MMP26: variants seen among roughly 807,000 people sequenced by gnomAD.
The protein encoded by MMP26 is matrix metalloproteinase-26.
A neutral mutation model predicts 31.0 loss-of-function variants in MMP26; 33 were observed. The ratio of observed to expected loss-of-function variants is 1.06; its 90% confidence interval spans 0.81 to 1.42. The LOEUF (loss-of-function observed/expected upper bound fraction) is 1.42, where lower values mean the gene tolerates loss of function less well. Ranked by LOEUF, MMP26 falls within the 40% of genes most tolerant of loss-of-function variation. MMP26 has a pLI of 0.00. For synonymous variants in MMP26, 122 were observed against 114.9 expected (o/e 1.06, Z -0.40); for missense variants, 347 against 316.1 (o/e 1.10, Z -0.74).
chr11:4,739,153 T>C (rs11033636), intron 1 of MMP26, among the ~76,000 whole-genome samples: 26,451 of 152,184 alleles, frequency 0.17, 2,769 homozygotes, highest in African/African-American at 0.3. Flanking sequence ...AGGCCTGATA[T>C]AAGACACTTC....
chr11:4,829,768 GA>G, intron 2 of MMP26, among the ~76,000 whole-genome samples: 1 of 152,210 alleles, frequency 6.6e-6, no homozygotes, highest in Admixed American at 6.5e-5. Context: ...TGACCAAACA[GA>G]ACACATTTGT....
intron 2 of MMP26, among the ~76,000 whole-genome samples, chr11:4,940,463 A>C (rs984793540): frequency 3.3e-5 from 5 of 152,214 alleles, no homozygotes; most frequent in Non-Finnish European, 7.3e-5. Context: ...TTTGTCAGAC[A>C]TTTTGAAAAA....
chr11:4,790,524 A>G (rs931820276), intron 2 of MMP26, among the ~76,000 whole-genome samples: 3 of 152,160 alleles, frequency 2.0e-5, no homozygotes, highest in African/African-American at 7.2e-5. Flanking sequence ...TTTCTTCCAG[A>G]AGAAGGTATG....
At chr11:4,744,598 G>A (rs1024975141) in intron 1 of MMP26, among the ~76,000 whole-genome samples, 5 of 152,150 alleles carry the variant, frequency 3.3e-5, no homozygotes, top group Admixed American at 1.3e-4. Flanking sequence ...TCAGCCCTAT[G>A]AGGATCATTT....
intron 2 of MMP26, among the ~76,000 whole-genome samples, chr11:4,971,321 C>T (rs1846663088): frequency 6.6e-6 from 1 of 152,196 alleles, no homozygotes; most frequent in South Asian, 2.1e-4. Context: ...TCTGTCCTTA[C>T]TATCATTCAA....
intron 2 of MMP26, among the ~76,000 whole-genome samples, chr11:4,779,419 C>G (rs1848830129): frequency 6.6e-6 from 1 of 151,972 alleles, no homozygotes; most frequent in Non-Finnish European, 1.5e-5. Flanking sequence ...AGTTTTGCCT[C>G]TAAGTTAATG....
At chr11:4,875,067 T>A (rs1850361320) in intron 2 of MMP26, 1 of 152,152 alleles carries the variant, frequency 6.6e-6, no homozygotes, top group Admixed American at 6.6e-5. Context: ...ATTGAATCTG[T>A]CTTTTGGGAG....
At chr11:4,734,983 G>A (rs1426833045) in intron 1 of MMP26, among the ~76,000 whole-genome samples, 1 of 152,190 alleles carries the variant, frequency 6.6e-6, no homozygotes, top group African/African-American at 2.4e-5. Context: ...GGGAGTCACT[G>A]ACCTCTTGGC....
intron 2 of MMP26, among the ~76,000 whole-genome samples, chr11:4,870,031 T>C (rs982300187): frequency 3.3e-5 from 5 of 151,886 alleles, no homozygotes; most frequent in African/African-American, 9.7e-5. Flanking sequence ...ATGAGAACAC[T>C]TGGACACAGG....
intron 2 of MMP26, among the ~76,000 whole-genome samples, chr11:4,909,744 T>C (rs1850960943): frequency 6.6e-6 from 1 of 152,144 alleles, no homozygotes; most frequent in Admixed American, 6.6e-5. Flanking sequence ...GAAAGATCTT[T>C]CTAAAATGTA....
intron 3 of MMP26, among the ~76,000 whole-genome samples, chr11:4,988,543 T>G (rs1846940871): frequency 6.6e-6 from 1 of 152,164 alleles, no homozygotes; most frequent in African/African-American, 2.4e-5. Flanking sequence ...GTGCCTTCTG[T>G]GCCTAATTCA....
At chr11:4,849,113 G>T (rs143178206) in intron 2 of MMP26, 1 of 1,614,144 alleles carries the variant, frequency 6.2e-7, no homozygotes, top group South Asian at 1.1e-5. Flanking sequence ...TCCACCAGGA[G>T]GGTGCACCTG....
rs1239269326 is a variant in MMP26 at position 4,748,046 on chromosome 11, C to G, written c.-216-19224C>G. On this transcript the variant is annotated intron_variant, in intron 1 of 7. Coordinates refer to ENST00000380390, the MANE Select transcript of MMP26 (RefSeq NM_021801.5). ...AAAAAATAAAAAAACTGATAGACAA[C>G]TAGCTAGACTAACCAACAAAAGAAG... Among the ~76,000 whole-genome samples the G allele has an allele frequency of 2.0e-5, 3 of 151,996 alleles. No individual in the cohort carries two copies. The South Asian group carries it at 6.2e-4, about 32-fold the overall frequency.
intron 2 of MMP26, chr11:4,821,668 A>G (rs1849502798): frequency 1.9e-6 from 3 of 1,613,600 alleles, no homozygotes; most frequent in Non-Finnish European, 1.7e-6. Flanking sequence ...ACTTTCTACT[A>G]CCCTTGGTGT....
intron 2 of MMP26, chr11:4,803,755 A>C: frequency 6.2e-7 from 1 of 1,613,802 alleles, no homozygotes; most frequent in Admixed American, 1.7e-5. Flanking sequence ...AAAGCCAGCC[A>C]CAGAGAAGGC....
rs1224978340 is a variant in MMP26 at position 4,822,078 on chromosome 11, C to A, written c.-145+54737C>A. ...TTGACTGCCCTTGCATCCTGCTCTC[C>A]TATATCCTGATCATTCGATCTGTCC... On this transcript the variant is annotated intron_variant, in intron 2 of 7. Coordinates refer to ENST00000380390, the MANE Select transcript of MMP26 (RefSeq NM_021801.5). The A allele has an allele frequency of 1.9e-6, 3 of 1,613,528 alleles. No homozygotes were observed. The East Asian group carries it at 6.7e-5, about 36-fold the overall frequency.
chr11:4,779,734 T>G (rs1848834066), intron 2 of MMP26, among the ~76,000 whole-genome samples: 1 of 152,106 alleles, frequency 6.6e-6, no homozygotes, highest in Admixed American at 6.6e-5. Flanking sequence ...GTTTTCAAAT[T>G]TATTGTTTTC....
At chr11:4,728,434 G>GAGTAC (rs1470526342) in intron 1 of MMP26, among the ~76,000 whole-genome samples, 2 of 152,102 alleles carry the variant, frequency 1.3e-5, no homozygotes, top group Non-Finnish European at 2.9e-5. Context: ...ATCAGTAGAG[G>GAGTAC]AGTACAGAGG....
At chr11:4,806,295 T>C (rs558474565) in intron 2 of MMP26, among the ~76,000 whole-genome samples, 1 of 152,194 alleles carries the variant, frequency 6.6e-6, no homozygotes, top group South Asian at 2.1e-4. Flanking sequence ...TTCTGTCTCG[T>C]TGGTCTGTCT....
Sources: gnomAD v4.1 joint callset for allele counts (sites outside exome capture counted in the v4.1 genomes callset) on GRCh38, gnomAD v4.1.1 for gene constraint, MANE v1.5 for transcripts, NCBI Gene and HGNC (gene_info 2026-07-23, HGNC 2026-07-21) for gene names.